Variants in SLC19A1 observed in about 807,000 individuals in gnomAD.
SLC19A1 encodes reduced folate transporter.
A neutral mutation model predicts 35.3 loss-of-function variants in SLC19A1; 37 were observed. That is an observed-to-expected ratio of 1.05 (90% confidence interval 0.81 to 1.38). The LOEUF (loss-of-function observed/expected upper bound fraction) is 1.38, where lower values mean the gene tolerates loss of function less well. Ranked by LOEUF, SLC19A1 falls within the 40% of genes most tolerant of loss-of-function variation. The probability of loss-of-function intolerance (pLI) is 0.00; values close to 1 mark genes in which losing one functional copy is unlikely to be tolerated. For synonymous variants in SLC19A1, 460 were observed against 398.5 expected, an observed-to-expected ratio of 1.15 and a Z score of -1.84; for missense variants, 831 against 826.9, an observed-to-expected ratio of 1.00 and a Z score of -0.06.
intron 4 of SLC19A1, among the ~76,000 whole-genome samples, chr21:45,529,377 T>G (rs958077371): frequency 1.3e-5 from 2 of 152,076 alleles, no homozygotes; most frequent in Non-Finnish European, 2.9e-5. Flanking sequence ...CCCAGGGGGA[T>G]GACCCACGGA....
intron 1 of SLC19A1, among the ~76,000 whole-genome samples, chr21:45,550,906 G>GC (rs1310486100): frequency 1.0e-4 from 1 of 9,668 alleles, no homozygotes. Context: ...TCCCACCACC[G>GC]CCCCCCACCC....
intron 1 of SLC19A1, chr21:45,541,965 C>G (rs1413899286): frequency 6.5e-6 from 1 of 152,678 alleles, no homozygotes; most frequent in African/African-American, 2.4e-5. Flanking sequence ...ACCCGCTGCA[C>G]AGCAACGGTT....
downstream of SLC19A1, chr21:45,510,330 C>G: frequency 6.7e-7 from 1 of 1,493,474 alleles, no homozygotes; most frequent in East Asian, 2.5e-5. Flanking sequence ...GAACTCCCAG[C>G]GGGGAGCTCC....
At chr21:45,505,278 AGTAAGTCAGT>A in intron 3 of SLC19A1, 1 of 1,607,146 alleles carries the variant, frequency 6.2e-7, no homozygotes. Flanking sequence ...TCACAGGCAG[AGTAAGTCAGT>A]GGGGAGTGGG....
At chr21:45,541,030 G>GAA (rs1192982601) in intron 1 of SLC19A1, among the ~76,000 whole-genome samples, 2 of 152,058 alleles carry the variant, frequency 1.3e-5, no homozygotes, top group Non-Finnish European at 2.9e-5. Context: ...TTAAAAAGAA[G>GAA]AAGAAGAAAG....
At chr21:45,511,070 C>T, downstream of SLC19A1, 2 of 928,122 alleles carry the variant, frequency 2.2e-6, no homozygotes, top group Middle Eastern at 4.3e-4. Flanking sequence ...CCATCCACAC[C>T]CCCACACACC....
At position 45,515,348 on chromosome 21, in the gene SLC19A1, G is replaced by C. The variant is rs2037846639; in HGVS notation, c.*310C>G. On this transcript the variant is annotated 3_prime_UTR_variant, in exon 6 of 6. Transcript: ENST00000311124. ...TTCACTAGCCCTGGGGGGCAGAAAGGATTTGTCTCAAGCCCCCCAAGGGGC... is the reference window on the plus strand; with the variant it reads ...TTCACTAGCCCTGGGGGGCAGAAAGCATTTGTCTCAAGCCCCCCAAGGGGC... 6.9e-7 allele frequency: 1 copy of C among 1,438,912 alleles called. No homozygotes were observed. Among genetic ancestry groups the C allele is most frequent in the Non-Finnish European group, 9.0e-7 (1 of 1,106,124 alleles). 89.1% of individuals were successfully genotyped at this position (1,438,912 alleles called of 1,614,324 possible).
intron 1 of SLC19A1, among the ~76,000 whole-genome samples, chr21:45,558,282 G>C (rs1387349812): frequency 6.6e-6 from 1 of 152,230 alleles, no homozygotes; most frequent in Non-Finnish European, 1.5e-5. Context: ...GCCACGGCTG[G>C]CTGGACCTCA....
chr21:45,537,158 C>T (rs906183315), intron 2 of SLC19A1, among the ~76,000 whole-genome samples: 1 of 152,176 alleles, frequency 6.6e-6, no homozygotes, highest in African/African-American at 2.4e-5. Flanking sequence ...CCGATGAGCA[C>T]GGCCTGGCGG....
At position 45,532,024 on chromosome 21, in the gene SLC19A1, G is replaced by A; in HGVS notation, c.314C>T (p.Ser105Leu). ...VLLLQGLSFV[S>L]VWLLLLLGHS... Reference sequence around the variant, plus strand: ...GCCCAGCAGCAGCAGCAGCCACACCGACACGAAGCTGAGCCCCTGCAGCAG... The same window carrying A: ...GCCCAGCAGCAGCAGCAGCCACACCAACACGAAGCTGAGCCCCTGCAGCAG... Residue 105 changes from serine (S) to leucine (L), a missense_variant, in exon 3 of 6, where the codon TCG becomes TTG. Coordinates refer to ENST00000311124, the MANE Select transcript of SLC19A1 (RefSeq NM_194255.4). The A allele has an allele frequency of 2.5e-6, 4 of 1,611,626 alleles. No individual in the cohort carries two copies. The highest frequency in any genetic ancestry group is 1.7e-5 in the Admixed American group (1 of 59,990).
At chr21:45,524,157 T>C (rs1353536710) in intron 5 of SLC19A1, among the ~76,000 whole-genome samples, 1 of 133,756 alleles carries the variant, frequency 7.5e-6, no homozygotes, top group Admixed American at 7.3e-5. Context: ...CCCCTGGGCC[T>C]TGGAGGCTCA....
Position 45,532,049 on chromosome 21 carries a change from G to A in SLC19A1, c.289C>T (p.Leu97=). Residue 97 remains leucine (L), a synonymous_variant, in exon 3 of 6, where the codon CTG becomes TTG. Transcript: ENST00000311124. ...TDYLRYTPVL[L]LQGLSFVSVW... is the part of the protein sequence containing the mutation. Reference sequence around the variant, plus strand: ...GACACGAAGCTGAGCCCCTGCAGCAGCAGCACCGGCGTGTAGCGCAGGTAG... The same window carrying A: ...GACACGAAGCTGAGCCCCTGCAGCAACAGCACCGGCGTGTAGCGCAGGTAG... 6.2e-7 allele frequency: 1 copy of A among 1,612,514 alleles called. No homozygotes were observed. Among genetic ancestry groups the A allele is most frequent in the Middle Eastern group, 1.7e-4 (1 of 6,060 alleles).
At chr21:45,551,699 T>C (rs1273366258) in intron 1 of SLC19A1, among the ~76,000 whole-genome samples, 1 of 152,244 alleles carries the variant, frequency 6.6e-6, no homozygotes, top group African/African-American at 2.4e-5. Flanking sequence ...GGCTTGGTTT[T>C]GGGTTATGTT....
intron 1 of SLC19A1, among the ~76,000 whole-genome samples, chr21:45,555,614 C>G (rs2078552631): frequency 7.1e-6 from 1 of 140,634 alleles, no homozygotes; most frequent in South Asian, 2.4e-4. Flanking sequence ...GCCAACCCAC[C>G]GTCCCGGGCA....
intron 3 of SLC19A1, chr21:45,504,590 C>A (rs1182478509): frequency 1.9e-6 from 3 of 1,549,062 alleles, no homozygotes; most frequent in Admixed American, 1.9e-5. Context: ...GAGCCCATGT[C>A]CCAGGGGTCT....
At chr21:45,562,883 G>A (rs2078627866) in exon 1 of SLC19A1, among the ~76,000 whole-genome samples, 2 of 152,152 alleles carry the variant, frequency 1.3e-5, no homozygotes, top group African/African-American at 2.4e-5. Context: ...TGGATCAGAG[G>A]GGAAGGAGCT....
chr21:45,555,151 AGGGGGCGGC>A lies in SLC19A1; in HGVS notation c.-50+7582_-50+7590del, dbSNP rs1417557109. 4.1e-3 allele frequency among the ~76,000 whole-genome samples: 240 copies of A among 58,934 alleles called. 12 individuals are homozygous for A. The highest frequency in any genetic ancestry group is 0.015 in the African/African-American group (194 of 13,196). 38.7% of individuals were successfully genotyped at this position (58,934 alleles called of 152,430 possible). A position where few individuals can be genotyped will look rare whatever the true frequency, so the allele number is the denominator to read the frequency against. On this transcript the variant is annotated intron_variant, in intron 1 of 5. Coordinates refer to the SLC19A1 transcript ENST00000650808. ...AGCCTCGCGACGCAGGGGGCGGTGC[AGGGGGCGGC>A]GGGGGCGGCGCAGGGGGCGGTGCAG...
intron 3 of SLC19A1, chr21:45,506,760 TC>T (rs879281334): frequency 0.016 from 464 of 28,434 alleles, 5 homozygotes; most frequent in Middle Eastern, 0.15. Flanking sequence ...CCTCCCACCT[TC>T]CCTCTGGAAC....
At chr21:45,523,973 C>G (rs1032982831) in intron 5 of SLC19A1, among the ~76,000 whole-genome samples, 4 of 152,220 alleles carry the variant, frequency 2.6e-5, no homozygotes, top group African/African-American at 9.7e-5. Context: ...TTCTGCAGAC[C>G]TGAGACCAGC....
Sources: allele counts gnomAD v4.1 joint callset (sites outside exome capture counted in the v4.1 genomes callset), GRCh38; gene constraint gnomAD v4.1.1; transcripts MANE v1.5; gene names NCBI Gene and HGNC (gene_info 2026-07-23, HGNC 2026-07-21).